PRKCE: variants seen among roughly 807,000 people sequenced by gnomAD.
The protein encoded by PRKCE is protein kinase C epsilon, also known as protein kinase C epsilon type.
PRKCE carries 16 observed loss-of-function variants against 85.4 expected under a neutral mutation model. That is an observed-to-expected ratio of 0.19 (90% CI 0.13 to 0.28). The LOEUF (loss-of-function observed/expected upper bound fraction) is 0.28. Among genes scored for constraint, PRKCE ranks in the 10% least tolerant of loss-of-function variants. The pLI is 1.00. For synonymous variants in PRKCE, 388 were observed against 371.5 expected (o/e 1.04, Z -0.51); for missense variants, 573 against 975.2 (o/e 0.59, Z 5.49).
intron 13 of PRKCE, among the ~76,000 whole-genome samples, chr2:46,156,096 G>A (rs1362852206): frequency 1.4e-5 from 2 of 147,326 alleles, no homozygotes; most frequent in East Asian, 2.0e-4. Context: ...TAGCCATTTC[G>A]CGCCTCATCC....
intron 10 of PRKCE, among the ~76,000 whole-genome samples, chr2:46,044,267 T>C (rs1708385605): frequency 1.3e-5 from 2 of 152,200 alleles, no homozygotes; most frequent in South Asian, 4.1e-4. Context: ...TACATTCTTA[T>C]TTAGTAAGGA....
intron 11 of PRKCE, among the ~76,000 whole-genome samples, chr2:46,090,243 A>G (rs1670035332): frequency 6.6e-6 from 1 of 152,172 alleles, no homozygotes; most frequent in Admixed American, 6.5e-5. Flanking sequence ...TGTATTTTAA[A>G]AAAAGTGTTC....
At chr2:46,141,702 C>A (rs1049022029) in intron 11 of PRKCE, among the ~76,000 whole-genome samples, 2 of 149,386 alleles carry the variant, frequency 1.3e-5, no homozygotes, top group Admixed American at 6.7e-5. Flanking sequence ...TAAAAAAAGA[C>A]CCCCCTCCTT....
intron 10 of PRKCE, among the ~76,000 whole-genome samples, chr2:46,064,559 C>T (rs975818785): frequency 2.6e-5 from 4 of 152,180 alleles, no homozygotes; most frequent in Non-Finnish European, 4.4e-5. Flanking sequence ...CAGCAGCTTG[C>T]ACCAGAAGCA....
chr2:45,939,180 A>T (rs115893536), intron 2 of PRKCE, among the ~76,000 whole-genome samples: 7 of 152,356 alleles, frequency 4.6e-5, no homozygotes, highest in African/African-American at 1.7e-4. Context: ...GGAGGCTTCA[A>T]TAAGACAAGG....
At position 46,138,239 on chromosome 2, in the gene PRKCE, G is replaced by A. The variant is rs1675185902; in HGVS notation, c.1593-6854G>A. Among the ~76,000 whole-genome samples the A allele has an allele frequency of 6.6e-6, 1 of 152,146 alleles. No individual in the cohort carries two copies. Among genetic ancestry groups the A allele is most frequent in the African/African-American group, 2.4e-5 (1 of 41,442 alleles). On this transcript the variant is annotated intron_variant, in intron 11 of 14. Transcript: ENST00000306156. The surrounding 1 kb of genome is among the most constrained non-coding windows in gnomAD (Gnocchi z 4.2). Reference sequence around the variant, plus strand: ...GAGTCTGTGATCCCTTGTGCTCCATGTTCTCCTCACCACAAAGATTTCTTT... The same window carrying A: ...GAGTCTGTGATCCCTTGTGCTCCATATTCTCCTCACCACAAAGATTTCTTT...
At chr2:45,897,380 G>A (rs183762865) in intron 2 of PRKCE, among the ~76,000 whole-genome samples, 5 of 152,172 alleles carry the variant, frequency 3.3e-5, no homozygotes, top group African/African-American at 4.8e-5. Context: ...CGGCATCATT[G>A]CGAACTTGGA....
At chr2:45,653,395 T>C (rs1233720972) in intron 1 of PRKCE, among the ~76,000 whole-genome samples, 1 of 135,062 alleles carries the variant, frequency 7.4e-6, no homozygotes, top group East Asian at 2.1e-4. Context: ...TTTTTTTTTT[T>C]CTCTCTTCTT....
chr2:46,100,736 C>A (rs1374614048), intron 11 of PRKCE, among the ~76,000 whole-genome samples: 1 of 152,270 alleles, frequency 6.6e-6, no homozygotes, highest in Non-Finnish European at 1.5e-5. Flanking sequence ...ATTCACTCAA[C>A]AGACAACGAG....
At chr2:46,147,980 A>T (rs1676251116) in intron 12 of PRKCE, among the ~76,000 whole-genome samples, 1 of 152,236 alleles carries the variant, frequency 6.6e-6, no homozygotes, top group African/African-American at 2.4e-5. Flanking sequence ...TAATGAGATT[A>T]GAGCATGGAA....
At chr2:45,993,965 T>G (rs541018694) in intron 6 of PRKCE, among the ~76,000 whole-genome samples, 1 of 151,634 alleles carries the variant, frequency 6.6e-6, no homozygotes, top group African/African-American at 2.4e-5. Flanking sequence ...TTTAGCCCAA[T>G]GGGCATCTTG....
At chr2:45,703,562 A>G (rs1454486427) in intron 1 of PRKCE, among the ~76,000 whole-genome samples, 1 of 151,842 alleles carries the variant, frequency 6.6e-6, no homozygotes. Context: ...TAAAGAAAAG[A>G]AAAGAAAAAA....
intron 2 of PRKCE, among the ~76,000 whole-genome samples, chr2:45,885,314 G>A (rs184094682): frequency 1.1e-4 from 17 of 152,188 alleles, no homozygotes; most frequent in African/African-American, 4.1e-4. Context: ...TGTCTGGAGG[G>A]AAGGGACCTG....
At chr2:45,922,705 C>T (rs570878902) in intron 2 of PRKCE, among the ~76,000 whole-genome samples, 37 of 152,288 alleles carry the variant, frequency 2.4e-4, no homozygotes, top group African/African-American at 7.9e-4. Context: ...TTAATAGAGA[C>T]GTGTGAGCTG....
chr2:46,184,563 G>C lies in PRKCE; in HGVS notation c.2068-172G>C, dbSNP rs1680310976. Among the ~76,000 whole-genome samples, 1 of 151,916 alleles carries C rather than the reference G, an allele frequency of 6.6e-6. No individual in the cohort carries two copies. The highest frequency in any genetic ancestry group is 2.4e-5 in the African/African-American group (1 of 41,330). On this transcript the variant is annotated intron_variant, in intron 14 of 14. Transcript: ENST00000306156. The surrounding 1 kb of genome is among the most constrained non-coding windows in gnomAD (Gnocchi z 5.0). The stretch of plus-strand genomic sequence containing the variant: ...TTCCTCTCCTCGTCTCTCACCTCCG[G>C]GTCCTGGGGCCATCCATCGTTACCT...
intron 2 of PRKCE, among the ~76,000 whole-genome samples, chr2:45,949,119 A>G (rs1170462727): frequency 6.6e-6 from 1 of 152,222 alleles, no homozygotes; most frequent in East Asian, 1.9e-4. Flanking sequence ...AGATATATAC[A>G]TGTATACTGA....
At chr2:45,832,589 G>A (rs886708223) in intron 1 of PRKCE, among the ~76,000 whole-genome samples, 65 of 152,136 alleles carry the variant, frequency 4.3e-4, no homozygotes, top group African/African-American at 1.4e-3. Context: ...GGGATTACAG[G>A]CGTGAGCCAC....
intron 11 of PRKCE, among the ~76,000 whole-genome samples, chr2:46,123,491 CCTTT>C (rs953024107): frequency 3.2e-4 from 49 of 151,980 alleles, no homozygotes; most frequent in African/African-American, 1.2e-3. Flanking sequence ...TTTCTTTCTT[CCTTT>C]CTTTCTTTTT....
intron 2 of PRKCE, among the ~76,000 whole-genome samples, chr2:45,866,568 A>C (rs927709910): frequency 6.6e-6 from 1 of 152,164 alleles, no homozygotes; most frequent in Non-Finnish European, 1.5e-5. Flanking sequence ...TGGCCTACCA[A>C]AGTGCTGGAA....
Sources: allele counts gnomAD v4.1 joint callset (sites outside exome capture counted in the v4.1 genomes callset), GRCh38; gene constraint gnomAD v4.1.1; non-coding constraint Gnocchi (gnomAD v3.1); transcripts MANE v1.5; gene names NCBI Gene and HGNC (gene_info 2026-07-23, HGNC 2026-07-21).